COL4A1: variants seen among roughly 807,000 people sequenced by gnomAD.
The protein encoded by COL4A1 is collagen type IV alpha 1 chain, also known as collagen alpha-1(IV) chain.
COL4A1 carries 40 observed loss-of-function variants against 216.6 expected under a neutral mutation model. The observed-to-expected ratio is 0.18, with a 90% CI of 0.14 to 0.24. The LOEUF is 0.24. Ranked by LOEUF, COL4A1 falls within the 10% of genes least tolerant of loss-of-function variation. The pLI is 1.00. For missense variants in COL4A1, 1,628 were observed against 2,196.8 expected (o/e 0.74, Z 5.18); for synonymous variants, 839 against 810.7 (o/e 1.03, Z -0.59).
chr13:110,275,188 A>G (rs1045813357), intron 1 of COL4A1, among the ~76,000 whole-genome samples: 1 of 152,254 alleles, frequency 6.6e-6, no homozygotes. Context: ...TCCAAAATAT[A>G]CAAAGACATC....
chr13:110,175,237 G>T lies in COL4A1; in HGVS notation c.3179C>A (p.Pro1060Gln), dbSNP rs1317409804. The T allele has an allele frequency of 1.2e-6, 2 of 1,614,070 alleles. No individual in the cohort carries two copies. The highest frequency in any genetic ancestry group is 1.7e-6 in the Non-Finnish European group (2 of 1,180,028). The change falls in exon 37 of 52, where the codon CCA becomes CAA. Residue 1060 changes from proline (P) to glutamine (Q), a missense_variant. Transcript: ENST00000375820. ...GQAGPPGIGI[P>Q]GLRGEKGDQG... The stretch of plus-strand genomic sequence containing the variant: ...GGTTACCTTTTCACCTCGCAGCCCT[G>T]GGATGCCTATGCCAGGTGGGCCTGC...
At chr13:110,185,598 CCTCTT>C (rs1422189530) in intron 26 of COL4A1, among the ~76,000 whole-genome samples, 2 of 152,208 alleles carry the variant, frequency 1.3e-5, no homozygotes, top group African/African-American at 4.8e-5. Context: ...CCTAGCCTCT[CCTCTT>C]CTCATTCCGG....
chr13:110,187,037 A>G (rs1324304149), intron 25 of COL4A1, 101 bp downstream of exon 25: 1 of 1,426,872 alleles, frequency 7.0e-7, no homozygotes, highest in East Asian at 2.3e-5. Flanking sequence ...GCCATCATCA[A>G]GGAGATAGAA....
chr13:110,240,767 T>A (rs1272860164), intron 2 of COL4A1, among the ~76,000 whole-genome samples: 1 of 151,982 alleles, frequency 6.6e-6, no homozygotes, highest in African/African-American at 2.4e-5. Context: ...AGTTGACAGG[T>A]AGGGAAGGCT....
chr13:110,164,927 G>A lies in COL4A1; in HGVS notation c.4085C>T (p.Pro1362Leu). 2 of 1,605,544 alleles carry A rather than the reference G, an allele frequency of 1.2e-6. No individual in the cohort carries two copies. Among genetic ancestry groups the A allele is most frequent in the Non-Finnish European group, 1.7e-6 (2 of 1,176,148 alleles). Residue 1362 changes from proline to leucine, a missense_variant, in exon 46 of 52, where the codon CCT becomes CTT. By Grantham distance (98) the Pro-to-Leu change is moderately conservative. Coordinates refer to ENST00000375820, the MANE Select transcript of COL4A1 (RefSeq NM_001845.6). ...CAGCCCTGGGGGGCCCTCAGGACCA[G>A]GGAGCCCGGGCTCCCCTTTGATGAT... ...YDIIKGEPGL[P>L]GPEGPPGLKG...
intron 1 of COL4A1, among the ~76,000 whole-genome samples, chr13:110,275,637 G>C (rs574459162): frequency 6.6e-6 from 1 of 152,128 alleles, no homozygotes; most frequent in Non-Finnish European, 1.5e-5. Flanking sequence ...GCCAACGCTC[G>C]GGGGCAACCA....
intron 1 of COL4A1, among the ~76,000 whole-genome samples, chr13:110,304,547 A>G (rs540708254): frequency 6.6e-6 from 1 of 152,310 alleles, no homozygotes; most frequent in East Asian, 1.9e-4. Context: ...GGTGCTCACA[A>G]TCAGAACACT....
chr13:110,235,658 CAAA>C (rs4000273), intron 2 of COL4A1, among the ~76,000 whole-genome samples: 1 of 129,584 alleles, frequency 7.7e-6, no homozygotes, highest in East Asian at 2.2e-4. Flanking sequence ...GACTCTGTCT[CAAA>C]AAAAAAAAAA....
rs569227289 is a variant in COL4A1 at position 110,179,673 on chromosome 13, G to A, written c.2194-252C>T. 5.9e-5 allele frequency among the ~76,000 whole-genome samples: 9 copies of A among 152,222 alleles called. No individual in the cohort carries two copies. The South Asian group carries it at 8.3e-4, about 14-fold the overall frequency. ...AAGGAGGAAAAGCAAGGCTCCCCAC[G>A]GATAAATGACATTTTTCTCAAGTCT... On this transcript the variant is annotated intron_variant, in intron 29 of 51. Coordinates refer to ENST00000375820, the MANE Select transcript of COL4A1 (RefSeq NM_001845.6).
chr13:110,182,398 A>G (rs1170121450), intron 28 of COL4A1, among the ~76,000 whole-genome samples: 1 of 152,180 alleles, frequency 6.6e-6, no homozygotes, highest in Non-Finnish European at 1.5e-5. Context: ...CTTACACAAC[A>G]CGTCCCTTTT....
rs188637106 is a variant in COL4A1, at chr13:110,266,563, C to A, written c.85-23829G>T. ...GGCAATGTGGGGCCTCAGTATACGT[C>A]GCGGAGACCAGATGCTGACTTGGGG... On this transcript the variant is annotated intron_variant, in intron 1 of 51. Transcript: ENST00000375820. Among the ~76,000 whole-genome samples, 26 of 152,240 alleles carry A rather than the reference C, an allele frequency of 1.7e-4. No homozygotes were observed. In the East Asian group the frequency reaches 5.0e-3, roughly 29 times the overall value.
intron 1 of COL4A1, among the ~76,000 whole-genome samples, chr13:110,271,375 GGAGA>G (rs1197512706): frequency 6.6e-6 from 1 of 152,194 alleles, no homozygotes; most frequent in African/African-American, 2.4e-5. Flanking sequence ...GTAACTTCAT[GGAGA>G]GACCTGGTAG....
At chr13:110,206,957 A>C in intron 13 of COL4A1, 66 bp from the exon 14 acceptor site, 1 of 1,520,888 alleles carries the variant, frequency 6.6e-7, no homozygotes, top group Non-Finnish European at 9.0e-7. Flanking sequence ...ATGCTGCATT[A>C]AACACACAGC....
chr13:110,265,247 G>C (rs1195393060), intron 1 of COL4A1: 1 of 152,254 alleles, frequency 6.6e-6, no homozygotes, highest in African/African-American at 2.4e-5. Flanking sequence ...GGAAAGCGCC[G>C]ACTGCAATAC....
chr13:110,200,743 G>A, intron 20 of COL4A1, 111 bp downstream of exon 20: 1 of 1,152,416 alleles, frequency 8.7e-7, no homozygotes, highest in Non-Finnish European at 1.3e-6. Flanking sequence ...TCGTAAGATT[G>A]CTACCGATTG....
chr13:110,252,504 T>TTAC (rs1882138499), intron 1 of COL4A1, among the ~76,000 whole-genome samples: 1 of 5,528 alleles, frequency 1.8e-4, no homozygotes, highest in African/African-American at 2.4e-4. Context: ...TATACGTATA[T>TTAC]ATGTATTATA....
At chr13:110,154,499 T>C (rs928938418) in intron 50 of COL4A1, among the ~76,000 whole-genome samples, 6 of 152,254 alleles carry the variant, frequency 3.9e-5, no homozygotes, top group African/African-American at 1.4e-4. Context: ...TTCAAGCTCG[T>C]GCATGTTGTA....
chr13:110,165,365 A>T (rs1877287728), intron 45 of COL4A1, among the ~76,000 whole-genome samples: 1 of 151,908 alleles, frequency 6.6e-6, no homozygotes, highest in Non-Finnish European at 1.5e-5. Flanking sequence ...CGATTAGGAC[A>T]TTTTTCCCAC....
chr13:110,231,902 C>T (rs181468550), intron 2 of COL4A1, among the ~76,000 whole-genome samples: 7 of 152,314 alleles, frequency 4.6e-5, no homozygotes, highest in Admixed American at 2.0e-4. Context: ...CATGCTACAG[C>T]GGGACGCCCA....
Sources: allele counts gnomAD v4.1 joint callset (sites outside exome capture counted in the v4.1 genomes callset), GRCh38; gene constraint gnomAD v4.1.1; transcripts MANE v1.5; gene names NCBI Gene and HGNC (gene_info 2026-07-23, HGNC 2026-07-21).